Variants in MROH9 observed in about 807,000 individuals in gnomAD.
MROH9 encodes maestro heat like repeat family member 9.
In MROH9, 92 loss-of-function variants were observed where a neutral mutation model predicts 98.2. The observed-to-expected ratio is 0.94, with a 90% CI of 0.79 to 1.11. The LOEUF is 1.11. Among genes scored for constraint, MROH9 ranks in the 50% most tolerant of loss-of-function variants. The pLI is 0.00. For missense variants in MROH9, 1,057 were observed against 1,014.8 expected (o/e 1.04, Z -0.57); for synonymous variants, 397 against 368.9 (o/e 1.08, Z -0.87).
At chr1:170,995,156 G>A (rs1205613069) in intron 12 of MROH9, among the ~76,000 whole-genome samples, 3 of 152,100 alleles carry the variant, frequency 2.0e-5, no homozygotes, top group Non-Finnish European at 2.9e-5. Context: ...GTCATCCAGG[G>A]TGTTTGTATA....
chr1:171,041,204 A>G (rs1264935174), intron 20 of MROH9, among the ~76,000 whole-genome samples: 2 of 151,700 alleles, frequency 1.3e-5, no homozygotes, highest in Non-Finnish European at 2.9e-5. Flanking sequence ...CCCATTGTTT[A>G]GCTCCCATTT....
At chr1:170,958,010 C>T (rs1230954908) in intron 3 of MROH9, among the ~76,000 whole-genome samples, 1 of 151,914 alleles carries the variant, frequency 6.6e-6, no homozygotes, top group African/African-American at 2.4e-5. Flanking sequence ...GGGGTTTCAC[C>T]GTATTAGCCA....
intron 20 of MROH9, among the ~76,000 whole-genome samples, chr1:171,031,608 A>G (rs972103248): frequency 6.6e-6 from 1 of 152,164 alleles, no homozygotes; most frequent in African/African-American, 2.4e-5. Context: ...TTTGTCCCCC[A>G]ATCTCTTCTG....
intron 3 of MROH9, among the ~76,000 whole-genome samples, chr1:170,948,836 G>T (rs1649436876): frequency 6.6e-6 from 1 of 151,972 alleles, no homozygotes; most frequent in Non-Finnish European, 1.5e-5. Flanking sequence ...TCCAAGAAGA[G>T]GAAACAGCAC....
intron 15 of MROH9, among the ~76,000 whole-genome samples, chr1:171,010,418 G>T (rs1652110051): frequency 6.6e-6 from 1 of 152,194 alleles, no homozygotes. Flanking sequence ...TGTCTTTAGA[G>T]TAGAATGACT....
In MROH9 at chr1:170,958,551, C is replaced by G; in HGVS notation, c.152+11C>G. On this transcript the variant is annotated intron_variant, in intron 4 of 21. Coordinates refer to ENST00000367759, the MANE Select transcript of MROH9 (RefSeq NM_001163629.2). ...GGCTGTGAACTCCAGGTATGATAAGCTATCATGCTCTTTTATTTCACTAAT... is the reference window on the plus strand; with the variant it reads ...GGCTGTGAACTCCAGGTATGATAAGGTATCATGCTCTTTTATTTCACTAAT... 1.3e-6 allele frequency: 2 copies of G among 1,528,620 alleles called. No homozygotes were observed. Among genetic ancestry groups the G allele is most frequent in the Non-Finnish European group, 1.8e-6 (2 of 1,116,882 alleles). 94.7% of individuals were successfully genotyped at this position (1,528,620 alleles called of 1,614,324 possible). A position where few individuals can be genotyped will look rare whatever the true frequency, so the allele number is the denominator to read the frequency against.
chr1:171,058,285 G>A (rs1180133757), intron 20 of MROH9, among the ~76,000 whole-genome samples: 1 of 148,944 alleles, frequency 6.7e-6, no homozygotes, highest in East Asian at 2.0e-4. Flanking sequence ...GCTAACAAGG[G>A]ATGTAAAGGA....
chr1:171,034,129 A>G (rs1653020869), intron 20 of MROH9, among the ~76,000 whole-genome samples: 1 of 152,086 alleles, frequency 6.6e-6, no homozygotes, highest in Non-Finnish European at 1.5e-5. Context: ...TACTAAAAAA[A>G]CTTTTATAGT....
At chr1:171,020,516 A>G (rs566941546) in intron 17 of MROH9, among the ~76,000 whole-genome samples, 7 of 152,328 alleles carry the variant, frequency 4.6e-5, no homozygotes, top group African/African-American at 1.4e-4. Context: ...CAAAAACCAC[A>G]TGATTATCTC....
chr1:171,023,402 C>T (rs935495641), intron 17 of MROH9, among the ~76,000 whole-genome samples: 1 of 152,102 alleles, frequency 6.6e-6, no homozygotes, highest in Non-Finnish European at 1.5e-5. Context: ...GCAAAGTCTT[C>T]CAGCCTTTGA....
rs137855026 is a variant in MROH9 at position 171,049,117 on chromosome 1, G to T, written c.2282-13015G>T. Among the ~76,000 whole-genome samples the T allele has an allele frequency of 3.0e-4, 46 of 152,200 alleles. No individual in the cohort carries two copies. In the East Asian group the frequency reaches 8.7e-3, roughly 29 times the overall value. On this transcript the variant is annotated intron_variant, in intron 20 of 21. Transcript: ENST00000367759. ...ATGAGCTGTGTAGTCTGGGGTTAGG[G>T]GAGGACTGATGCCAGCACTGCCTTG...
At position 171,062,946 on chromosome 1, in the gene MROH9, A is replaced by G. The variant is rs1250769476; in HGVS notation, c.2344+752A>G. On this transcript the variant is annotated intron_variant, in intron 21 of 21. Transcript: ENST00000367759. ...CAGAGTAGTACATTTATTATAATTC[A>G]TGGACCTACATTTATACATCATTAC... Among the ~76,000 whole-genome samples, 4 of 151,960 alleles carry G rather than the reference A, an allele frequency of 2.6e-5. No homozygotes were observed. The East Asian group carries it at 7.8e-4, about 29-fold the overall frequency.
intron 13 of MROH9, 42 bp from the exon 14 acceptor site, chr1:170,996,465 A>G (rs1312814783): frequency 6.2e-7 from 1 of 1,602,700 alleles, no homozygotes; most frequent in Admixed American, 1.7e-5. Context: ...TTTTTTGAAT[A>G]TCACCGGCAT....
At chr1:171,058,535 T>C (rs934192164) in intron 20 of MROH9, among the ~76,000 whole-genome samples, 1 of 152,140 alleles carries the variant, frequency 6.6e-6, no homozygotes, top group East Asian at 1.9e-4. Context: ...AGATCCCATA[T>C]GGCCAAGACA....
chr1:170,938,957 C>G (rs538099156), intron 1 of MROH9, among the ~76,000 whole-genome samples: 1 of 152,168 alleles, frequency 6.6e-6, no homozygotes, highest in Non-Finnish European at 1.5e-5. Context: ...AATTTACATC[C>G]CTGACACTAT....
intron 16 of MROH9, chr1:171,015,063 C>A (rs538944389): frequency 4.0e-5 from 19 of 471,662 alleles, no homozygotes; most frequent in South Asian, 2.9e-4. Flanking sequence ...TCCAAAGTAT[C>A]TTGCAAAATG....
intron 10 of MROH9, among the ~76,000 whole-genome samples, chr1:170,988,842 T>G (rs1651245997): frequency 6.6e-6 from 1 of 152,158 alleles, no homozygotes; most frequent in Non-Finnish European, 1.5e-5. Context: ...ATTTCTATAA[T>G]TAAGCACCCA....
At chr1:170,949,944 G>A (rs1649482308) in intron 3 of MROH9, among the ~76,000 whole-genome samples, 3 of 152,008 alleles carry the variant, frequency 2.0e-5, no homozygotes, top group African/African-American at 7.2e-5. Context: ...CTATTCCAAT[G>A]ATAGTAAAAA....
intron 8 of MROH9, among the ~76,000 whole-genome samples, chr1:170,980,800 G>T (rs546166154): frequency 6.6e-6 from 1 of 151,924 alleles, no homozygotes; most frequent in Non-Finnish European, 1.5e-5. Flanking sequence ...GCTTCTGCAC[G>T]GCAAAAGAAA....
Sources: allele counts gnomAD v4.1 joint callset (sites outside exome capture counted in the v4.1 genomes callset), GRCh38; gene constraint gnomAD v4.1.1; transcripts MANE v1.5; gene names NCBI Gene and HGNC (gene_info 2026-07-23, HGNC 2026-07-21).